The following PPM1E variants were observed in gnomAD, a reference collection of about 807,000 sequenced individuals.
PPM1E encodes protein phosphatase, Mg2+/Mn2+ dependent 1E, also known as protein phosphatase 1E.
Under a neutral mutation model 65.9 loss-of-function variants are expected in PPM1E, and 20 were observed. That is an observed-to-expected ratio of 0.30 (90% confidence interval 0.21 to 0.44). PPM1E has a LOEUF of 0.44. Among genes scored for constraint, PPM1E ranks in the 20% least tolerant of loss-of-function variants. PPM1E has a pLI of 1.00. For synonymous variants in PPM1E, 352 were observed against 374.9 expected, an observed-to-expected ratio of 0.94 and a Z score of 0.70; for missense variants, 713 against 953.1, an observed-to-expected ratio of 0.75 and a Z score of 3.32.
intron 1 of PPM1E, among the ~76,000 whole-genome samples, chr17:58,760,148 G>T (rs1030509390): frequency 1.3e-5 from 2 of 152,006 alleles, no homozygotes; most frequent in Admixed American, 6.6e-5. Flanking sequence ...TTTAATATTG[G>T]TGTTCTGTCC....
intron 1 of PPM1E, among the ~76,000 whole-genome samples, chr17:58,841,220 C>G (rs781303330): frequency 3.9e-5 from 6 of 152,120 alleles, no homozygotes; most frequent in Non-Finnish European, 8.8e-5. Context: ...ATTATATTAT[C>G]TAGATACTTC....
intron 1 of PPM1E, among the ~76,000 whole-genome samples, chr17:58,795,753 A>G (rs2050199887): frequency 6.6e-6 from 1 of 152,170 alleles, no homozygotes; most frequent in South Asian, 2.1e-4. Context: ...ATGGTATCTC[A>G]TTGGGGTTTT....
At position 58,755,855 on chromosome 17, in the gene PPM1E, T is replaced by C; in HGVS notation, c.-143T>C. 1 of 1,427,636 alleles carries C rather than the reference T, an allele frequency of 7.0e-7. No individual in the cohort carries two copies. The highest frequency in any genetic ancestry group is 2.6e-5 in the East Asian group (1 of 37,824). 88.4% of individuals were successfully genotyped at this position (1,427,636 alleles called of 1,614,324 possible). A position where few individuals can be genotyped will look rare whatever the true frequency, so the allele number is the denominator to read the frequency against. On this transcript the variant is annotated 5_prime_UTR_variant, in exon 1 of 7. Transcript: ENST00000308249. ...GCGGCGCGCACGCCTGCGGGAGCCC[T>C]CTCCAGGCAACCTAGTGCTGATCGC...
chr17:58,760,364 C>T (rs1259601257), intron 1 of PPM1E, among the ~76,000 whole-genome samples: 1 of 152,156 alleles, frequency 6.6e-6, no homozygotes, highest in Non-Finnish European at 1.5e-5. Context: ...CTTTACGGCC[C>T]CCAAAACAAA....
At chr17:58,791,143 C>T (rs1451921004) in intron 1 of PPM1E, among the ~76,000 whole-genome samples, 1 of 152,110 alleles carries the variant, frequency 6.6e-6, no homozygotes, top group Non-Finnish European at 1.5e-5. Context: ...CCACCCACCT[C>T]AGCCTCCCAA....
intron 1 of PPM1E, among the ~76,000 whole-genome samples, chr17:58,923,302 A>AG (rs71145503): frequency 2.8e-5 from 4 of 142,794 alleles, no homozygotes; most frequent in African/African-American, 1.0e-4. Flanking sequence ...AAAAAAAAAA[A>AG]GAAAGAAAGA....
intron 3 of PPM1E, chr17:58,966,100 A>T (rs2030218441): frequency 1.7e-6 from 1 of 595,938 alleles, no homozygotes; most frequent in South Asian, 2.0e-5. Flanking sequence ...ACATGGTTCA[A>T]AATTGGGAAA....
At position 58,980,114 on chromosome 17, in the gene PPM1E, TC is replaced by T; in HGVS notation, c.1353del (p.Asp452ThrfsTer3). The T allele has an allele frequency of 6.2e-7, 1 of 1,614,100 alleles. No individual in the cohort carries two copies. On this transcript the variant is annotated frameshift_variant, in exon 7 of 7. Coordinates refer to ENST00000308249, the MANE Select transcript of PPM1E (RefSeq NM_014906.5). LOFTEE classifies it high-confidence loss of function. This position sits in a 1 kb window ranked among gnomAD's most constrained non-coding sequence, Gnocchi z 4.7. ...VNPDEAVKVV[S>X]DHLKENNGDS... ...CCCTGATGAGGCAGTGAAAGTTGTG[TC>T]CGACCACCTGAAAGAGAATAATGGA...
At chr17:58,777,121 C>G (rs1027631507) in intron 1 of PPM1E, among the ~76,000 whole-genome samples, 11 of 152,042 alleles carry the variant, frequency 7.2e-5, no homozygotes, top group African/African-American at 2.7e-4. Flanking sequence ...AGCTACATGG[C>G]AGGCTGAGGA....
At chr17:58,773,537 C>T (rs941115653) in intron 1 of PPM1E, among the ~76,000 whole-genome samples, 1 of 152,132 alleles carries the variant, frequency 6.6e-6, no homozygotes, top group African/African-American at 2.4e-5. Context: ...TACCAAAAGA[C>T]ATTTGGTAAT....
chr17:58,959,856 TG>T (rs2143656646), intron 2 of PPM1E, among the ~76,000 whole-genome samples: 1 of 152,098 alleles, frequency 6.6e-6, no homozygotes, highest in African/African-American at 2.4e-5. Flanking sequence ...TTTATATTAA[TG>T]GGGGAAAATA....
At chr17:58,962,892 C>T (rs2030078857) in intron 2 of PPM1E, among the ~76,000 whole-genome samples, 1 of 151,488 alleles carries the variant, frequency 6.6e-6, no homozygotes. Context: ...TGAGCCTGAG[C>T]AATATAGTGA....
chr17:58,816,794 A>ATTTTTTTT (rs71367634), intron 1 of PPM1E, among the ~76,000 whole-genome samples: 1 of 16,652 alleles, frequency 6.0e-5, no homozygotes, highest in East Asian at 1.6e-3. Context: ...ATATATATAT[A>ATTTTTTTT]TTTTTTTTTT....
At chr17:58,788,274 CT>C (rs1174332732) in intron 1 of PPM1E, among the ~76,000 whole-genome samples, 1 of 152,140 alleles carries the variant, frequency 6.6e-6, no homozygotes. Flanking sequence ...TGATCTCGTA[CT>C]CTTGACCTCA....
chr17:58,853,770 G>A (rs1406894048), intron 1 of PPM1E, among the ~76,000 whole-genome samples: 1 of 152,140 alleles, frequency 6.6e-6, no homozygotes, highest in Admixed American at 6.5e-5. Flanking sequence ...GACAGAGGTT[G>A]CAGTGAGCCG....
chr17:58,863,439 A>G (rs1480002213), intron 1 of PPM1E, among the ~76,000 whole-genome samples: 3 of 152,200 alleles, frequency 2.0e-5, no homozygotes, highest in Non-Finnish European at 2.9e-5. Flanking sequence ...AGCAGGATCC[A>G]AGTGTGTTAC....
intron 1 of PPM1E, among the ~76,000 whole-genome samples, chr17:58,867,229 T>C (rs938382828): frequency 7.2e-5 from 11 of 152,206 alleles, no homozygotes; most frequent in African/African-American, 2.7e-4. Flanking sequence ...CTGCCTGCCT[T>C]GGCCTCCCAA....
intron 1 of PPM1E, among the ~76,000 whole-genome samples, chr17:58,766,605 A>G (rs59121494): frequency 3.9e-5 from 4 of 102,242 alleles, no homozygotes; most frequent in South Asian, 4.2e-4. Flanking sequence ...ATGTGTGTGT[A>G]TACACACACA....
In PPM1E at chr17:58,972,897, T is replaced by G. The variant is rs769399539; in HGVS notation, c.1182T>G (p.Asn394Lys). ...CVVWFGAWRV[N>K]GSLSVSRAIG... ...TCTGGTTTGGTGCCTGGAGGGTGAATGGAAGTCTGTCGGTTTCCAGAGCTA... is the reference window on the plus strand; with the variant it reads ...TCTGGTTTGGTGCCTGGAGGGTGAAGGGAAGTCTGTCGGTTTCCAGAGCTA... Residue 394 changes from asparagine to lysine, a missense_variant, in exon 6 of 7, where the codon AAT (asparagine) becomes AAG (lysine). Physicochemically the swap from Asn to Lys is moderately conservative, Grantham distance 94 (BLOSUM62 0). This residue lies in a region of PPM1E where 88 missense variants were observed against 231.1 expected (regional missense o/e 0.38). Transcript: ENST00000308249. The G allele has an allele frequency of 6.2e-7, 1 of 1,613,176 alleles. No homozygotes were observed. Among genetic ancestry groups the G allele is most frequent in the Non-Finnish European group, 8.5e-7 (1 of 1,179,254 alleles).
Sources: gnomAD v4.1 joint callset for allele counts (sites outside exome capture counted in the v4.1 genomes callset) on GRCh38, gnomAD v4.1.1 for gene constraint, gnomAD v4.1.1 regional missense constraint, Gnocchi (gnomAD v3.1) non-coding constraint, MANE v1.5 for transcripts, NCBI Gene and HGNC (gene_info 2026-07-23, HGNC 2026-07-21) for gene names.